CDH2: variants seen among roughly 807,000 people sequenced by gnomAD.
CDH2 encodes the protein cadherin-2.
A neutral mutation model predicts 92.0 loss-of-function variants in CDH2; 17 were observed. The observed-to-expected ratio is 0.18, with a 90% CI of 0.13 to 0.28. The LOEUF is 0.28. Among genes scored for constraint, CDH2 ranks in the 10% least tolerant of loss-of-function variants. The pLI is 1.00. For missense variants in CDH2, 862 were observed against 1,133.1 expected (o/e 0.76, Z 3.44); for synonymous variants, 419 against 415.9 (o/e 1.01, Z -0.09).
At chr18:28,146,391 A>G (rs1311829402) in intron 2 of CDH2, 1 of 152,086 alleles carries the variant, frequency 6.6e-6, no homozygotes, top group Non-Finnish European at 1.5e-5. Flanking sequence ...TCCAAAAGTC[A>G]TATTAAGTTA....
At chr18:28,123,515 A>G (rs150090528) in intron 2 of CDH2, among the ~76,000 whole-genome samples, 1 of 152,254 alleles carries the variant, frequency 6.6e-6, no homozygotes, top group East Asian at 1.9e-4. Context: ...TCATTACTAG[A>G]GAGAGGATAG....
At chr18:28,162,811 T>C (rs1419996619) in intron 1 of CDH2, among the ~76,000 whole-genome samples, 1 of 152,184 alleles carries the variant, frequency 6.6e-6, no homozygotes, top group African/African-American at 2.4e-5. Flanking sequence ...TCAGCCAATC[T>C]CTGTTCAGAC....
rs1389138598 is a variant in CDH2, at chr18:28,103,471, G to GTA, written c.172+44200_172+44201dup. Among the ~76,000 whole-genome samples the GTA allele has an allele frequency of 2.5e-4, 20 of 79,100 alleles. No individual in the cohort carries two copies. The East Asian group carries it at 3.4e-3, about 13-fold the overall frequency. 51.9% of individuals were successfully genotyped at this position (79,100 alleles called of 152,430 possible). On this transcript the variant is annotated intron_variant, in intron 2 of 15. Coordinates refer to ENST00000269141, the MANE Select transcript of CDH2 (RefSeq NM_001792.5). The stretch of plus-strand genomic sequence containing the variant: ...ATATATATATATACACATAAAGTAT[G>GTA]TATATATATACACACACACACACAC...
intron 2 of CDH2, among the ~76,000 whole-genome samples, chr18:28,138,521 A>C: frequency 6.6e-6 from 1 of 152,082 alleles, no homozygotes; most frequent in East Asian, 1.9e-4. Context: ...TTTGAAAGAG[A>C]AGAGTAAACA....
At chr18:28,071,898 G>T (rs1599078266) in intron 2 of CDH2, among the ~76,000 whole-genome samples, 1 of 152,124 alleles carries the variant, frequency 6.6e-6, no homozygotes, top group South Asian at 2.1e-4. Context: ...AAATGACGAG[G>T]TTTATGCGAC....
At chr18:28,007,165 A>AAAAATATATATATATATATAT (rs1172779200) in intron 5 of CDH2, among the ~76,000 whole-genome samples, 19 of 110,448 alleles carry the variant, frequency 1.7e-4, no homozygotes, top group South Asian at 8.9e-4. Context: ...ATAAAAAAAA[A>AAAAATATATATATATATATAT]ATATATATAT....
chr18:27,933,383 A>C (rs1411440089), intron 6 of CDH2, among the ~76,000 whole-genome samples: 1 of 152,174 alleles, frequency 6.6e-6, no homozygotes, highest in Non-Finnish European at 1.5e-5. Context: ...TTTACTTTCA[A>C]CTATTCATCT....
chr18:27,968,112 T>G (rs2011573453), intron 14 of CDH2, among the ~76,000 whole-genome samples: 1 of 152,196 alleles, frequency 6.6e-6, no homozygotes, highest in Non-Finnish European at 1.5e-5. Context: ...GCAAGCAACC[T>G]TTATCTGGTG....
chr18:28,019,811 T>C (rs2013358980), intron 2 of CDH2, among the ~76,000 whole-genome samples: 3 of 152,168 alleles, frequency 2.0e-5, no homozygotes, highest in Admixed American at 2.0e-4. Flanking sequence ...TCTTTTGGCA[T>C]TATTCAGGCT....
At chr18:28,162,225 G>A (rs2016316575) in intron 1 of CDH2, among the ~76,000 whole-genome samples, 1 of 152,092 alleles carries the variant, frequency 6.6e-6, no homozygotes, top group South Asian at 2.1e-4. Context: ...AAAAGAAGTT[G>A]GTCCAAATAA....
chr18:28,150,765 C>G (rs2016108663), intron 1 of CDH2, among the ~76,000 whole-genome samples: 2 of 152,158 alleles, frequency 1.3e-5, no homozygotes, highest in Admixed American at 6.5e-5. Flanking sequence ...TCTTAAATAG[C>G]TGAAACTTTC....
chr18:28,065,232 ATTG>A (rs1407641970), intron 2 of CDH2, among the ~76,000 whole-genome samples: 2 of 152,130 alleles, frequency 1.3e-5, no homozygotes, highest in African/African-American at 4.8e-5. Flanking sequence ...TTGACATTTC[ATTG>A]TTAAGAGATG....
intron 2 of CDH2, among the ~76,000 whole-genome samples, chr18:28,028,871 T>A (rs1166505556): frequency 6.6e-6 from 1 of 152,168 alleles, no homozygotes; most frequent in African/African-American, 2.4e-5. Context: ...AATAATCCTA[T>A]GCTTTCACAA....
At chr18:27,997,153 G>C (rs1837705220) in intron 7 of CDH2, among the ~76,000 whole-genome samples, 1 of 152,234 alleles carries the variant, frequency 6.6e-6, no homozygotes. Flanking sequence ...GTGAAAGGCT[G>C]TGTCCGCTTG....
chr18:28,061,963 T>C (rs2014411973), intron 2 of CDH2, among the ~76,000 whole-genome samples: 1 of 152,114 alleles, frequency 6.6e-6, no homozygotes, highest in South Asian at 2.1e-4. Flanking sequence ...AAGATGAGAT[T>C]TGGGCAGGGA....
At chr18:28,097,892 A>G (rs368488796) in intron 2 of CDH2, among the ~76,000 whole-genome samples, 1 of 152,344 alleles carries the variant, frequency 6.6e-6, no homozygotes, top group East Asian at 1.9e-4. Flanking sequence ...AATTTTTGAT[A>G]AAATGGAGTT....
chr18:28,134,669 C>A (rs1322640996), intron 2 of CDH2, among the ~76,000 whole-genome samples: 5 of 152,148 alleles, frequency 3.3e-5, no homozygotes, highest in African/African-American at 1.2e-4. Context: ...CATGATCGTA[C>A]CACTGCACTG....
intron 2 of CDH2, among the ~76,000 whole-genome samples, chr18:28,030,619 C>T (rs953409017): frequency 3.9e-5 from 6 of 151,958 alleles, no homozygotes; most frequent in Non-Finnish European, 8.8e-5. Context: ...GGAAGTTCAG[C>T]CTTTGCAGGG....
At chr18:27,936,005 ACT>A in intron 6 of CDH2, among the ~76,000 whole-genome samples, 1 of 152,194 alleles carries the variant, frequency 6.6e-6, no homozygotes, top group African/African-American at 2.4e-5. Flanking sequence ...TATAAACACA[ACT>A]GTAATATTGA....
Sources: gnomAD v4.1 joint callset for allele counts (sites outside exome capture counted in the v4.1 genomes callset) on GRCh38, gnomAD v4.1.1 for gene constraint, MANE v1.5 for transcripts, NCBI Gene and HGNC (gene_info 2026-07-23, HGNC 2026-07-21) for gene names.